Variants in ZYG11A observed in about 807,000 individuals in gnomAD.
ZYG11A encodes the protein protein zyg-11 homolog A.
ZYG11A carries 62 observed loss-of-function variants against 77.2 expected under a neutral mutation model. The observed-to-expected ratio is 0.80, with a 90% CI of 0.65 to 0.99. ZYG11A has a LOEUF of 0.99. Ranked by LOEUF, ZYG11A falls within the 50% of genes least tolerant of loss-of-function variation. The probability of loss-of-function intolerance (pLI) is 0.00; values close to 1 mark genes in which losing one functional copy is unlikely to be tolerated. For synonymous variants in ZYG11A, 315 were observed against 324.6 expected (o/e 0.97, Z 0.32); for missense variants, 828 against 896.8 (o/e 0.92, Z 0.98).
At chr1:52,867,378 G>A (rs182745390) in intron 6 of ZYG11A, among the ~76,000 whole-genome samples, 161 bp from the exon 7 acceptor site, 1 of 152,170 alleles carries the variant, frequency 6.6e-6, no homozygotes, top group East Asian at 1.9e-4. Flanking sequence ...TCCCCTGCCT[G>A]GTCTTCTCTC....
At chr1:52,878,599 G>A (rs1250959178) in intron 10 of ZYG11A, among the ~76,000 whole-genome samples, 4 of 152,052 alleles carry the variant, frequency 2.6e-5, no homozygotes, top group East Asian at 1.9e-4. Context: ...TGTTATCCAC[G>A]TTTCATAGAG....
Position 52,885,853 on chromosome 1 carries a change from G to C in ZYG11A, c.1965G>C (p.Trp655Cys). 6.5e-7 allele frequency: 1 copy of C among 1,548,606 alleles called. No individual in the cohort carries two copies. The highest frequency in any genetic ancestry group is 8.7e-7 in the Non-Finnish European group (1 of 1,145,748). Residue 655 changes from tryptophan to cysteine, a missense_variant, in exon 12 of 14, where the codon TGG (tryptophan) becomes TGC (cysteine). Trp to Cys is a radical substitution (Grantham distance 215, BLOSUM62 -2). Transcript: ENST00000371528. ...LQDLHATIQN[W>C]PSSSCKMTAL... ...AGTAGCATGCAACCATACAGAATTG[G>C]CCAAGTTCAAGTTGTAAGATGACAG...
chr1:52,864,399 C>T (rs949631249), intron 5 of ZYG11A, among the ~76,000 whole-genome samples: 1 of 152,068 alleles, frequency 6.6e-6, no homozygotes, highest in Admixed American at 6.6e-5. Context: ...GCGTGCACCA[C>T]GACGCCCAGC....
intron 1 of ZYG11A, among the ~76,000 whole-genome samples, chr1:52,852,443 A>G (rs1645731851): frequency 6.9e-6 from 1 of 143,974 alleles, no homozygotes; most frequent in East Asian, 2.1e-4. Context: ...GGCTCACTGC[A>G]CTCTCTGCCT....
At chr1:52,869,074 G>A (rs1646086009) in intron 8 of ZYG11A, among the ~76,000 whole-genome samples, 2 of 152,076 alleles carry the variant, frequency 1.3e-5, no homozygotes, top group South Asian at 4.1e-4. Context: ...TGATCCACCT[G>A]CCTTGGCCTC....
At chr1:52,848,472 A>G (rs1645643559) in intron 1 of ZYG11A, among the ~76,000 whole-genome samples, 1 of 151,992 alleles carries the variant, frequency 6.6e-6, no homozygotes, top group Admixed American at 6.6e-5. Flanking sequence ...GTGGGTTTAT[A>G]TCTTGCATCT....
At chr1:52,853,471 G>A (rs1255509394) in intron 1 of ZYG11A, among the ~76,000 whole-genome samples, 1 of 152,100 alleles carries the variant, frequency 6.6e-6, no homozygotes, top group East Asian at 1.9e-4. Flanking sequence ...TGCTTGGAGT[G>A]TCCCAAATGT....
At position 52,857,503 on chromosome 1, in the gene ZYG11A, AC is replaced by A. The variant is rs1396883452; in HGVS notation, c.763del (p.Lys256AsnfsTer18). On this transcript the variant is annotated frameshift_variant, in exon 3 of 14. Transcript: ENST00000371528. LOFTEE classifies it high-confidence loss of function. ...KSQILAVIRE[L>X]KCLLHLDISD... is the part of the protein sequence containing the mutation. ...CACAAATTCTTGCAGTCATTAGAGA[AC>A]TTAAATGTCTGCTTCACCTTGATAT... The A allele has an allele frequency of 6.4e-7, 1 of 1,552,096 alleles. No individual in the cohort carries two copies. The highest frequency in any genetic ancestry group is 8.7e-7 in the Non-Finnish European group (1 of 1,147,118).
At chr1:52,885,936 C>A in intron 12 of ZYG11A, 42 bp downstream of exon 12, 3 of 1,426,564 alleles carry the variant, frequency 2.1e-6, no homozygotes, top group Middle Eastern at 1.8e-4. Flanking sequence ...TTTTTTTCTT[C>A]TTTTTTTTAT....
chr1:52,880,053 C>T (rs551333461), intron 10 of ZYG11A, among the ~76,000 whole-genome samples: 45 of 148,488 alleles, frequency 3.0e-4, no homozygotes, highest in Admixed American at 5.5e-4. Flanking sequence ...CATGAGCTAC[C>T]GCACCCAGCC....
At chr1:52,876,626 C>G (rs1646266176) in intron 8 of ZYG11A, among the ~76,000 whole-genome samples, 1 of 152,176 alleles carries the variant, frequency 6.6e-6, no homozygotes, top group Non-Finnish European at 1.5e-5. Flanking sequence ...GGCTCACTTC[C>G]CCTGCTCCTG....
At chr1:52,871,355 G>A (rs981549451) in intron 8 of ZYG11A, among the ~76,000 whole-genome samples, 6 of 151,776 alleles carry the variant, frequency 4.0e-5, no homozygotes, top group Admixed American at 6.6e-5. Context: ...ATGTTGGGTC[G>A]TTCAAGTTTT....
intron 1 of ZYG11A, among the ~76,000 whole-genome samples, chr1:52,846,313 TATATATATATATATATATATATATATA>T (rs1645579280): frequency 5.9e-4 from 1 of 1,706 alleles, no homozygotes; most frequent in East Asian, 4.0e-3. Context: ...TAAATTTTTA[TATATATATATATATATATATATATATA>T]TATATATATA....
intron 10 of ZYG11A, among the ~76,000 whole-genome samples, chr1:52,878,612 T>A (rs1646303543): frequency 6.6e-6 from 1 of 152,094 alleles, no homozygotes. Flanking sequence ...TCATAGAGAA[T>A]CTGAGTCCCA....
chr1:52,863,257 C>A (rs772024806), intron 4 of ZYG11A, among the ~76,000 whole-genome samples: 8 of 152,204 alleles, frequency 5.3e-5, no homozygotes, highest in African/African-American at 9.6e-5. Flanking sequence ...ACAATGCCCT[C>A]ATTTTACATT....
Position 52,873,984 on chromosome 1 carries a change from C to CA in ZYG11A, c.1543-3687dup, listed in dbSNP as rs529381750. ...GGGCAACAAGAGTGAAACTCCGTCT[C>CA]AAAAAAAAAAATAAATAAATAAAAT... On this transcript the variant is annotated intron_variant, in intron 8 of 13. Coordinates refer to ENST00000371528, the MANE Select transcript of ZYG11A (RefSeq NM_001004339.3). 2.0e-3 allele frequency among the ~76,000 whole-genome samples: 288 copies of CA among 141,414 alleles called. 1 individual carries two copies. The highest frequency in any genetic ancestry group is 2.0e-3 in the African/African-American group (77 of 38,502). The allele number at this position is 141,414 out of a possible 152,430, so 92.8% of individuals were successfully genotyped here. A position where few individuals can be genotyped will look rare whatever the true frequency, so the allele number is the denominator to read the frequency against.
At chr1:52,848,949 A>G (rs1178807796) in intron 1 of ZYG11A, among the ~76,000 whole-genome samples, 1 of 152,230 alleles carries the variant, frequency 6.6e-6, no homozygotes, top group African/African-American at 2.4e-5. Context: ...GAATTAATTA[A>G]CTATATTTCA....
rs750704141 is a variant in ZYG11A, at chr1:52,860,768, C to T, written c.1046C>T (p.Ala349Val). 137 of 1,551,666 alleles carry T rather than the reference C, an allele frequency of 8.8e-5. No homozygotes were observed. The South Asian group carries it at 1.5e-3, about 17-fold the overall frequency. ...GCCAGTATGAGTCAGATTTCAGAAG[C>T]ACTGAGCCGATACAGGAACAGATCA... is the stretch of plus-strand genomic sequence containing the variant. The part of the protein sequence containing the change: ...GGASMSQISE[A>V]LSRYRNRSCF... The change falls in exon 4 of 14, where the codon GCA (alanine) becomes GTA (valine). Residue 349 changes from alanine to valine, a missense_variant. Coordinates refer to ENST00000371528, the MANE Select transcript of ZYG11A (RefSeq NM_001004339.3).
chr1:52,860,524 T>C (rs1645907439), intron 3 of ZYG11A, among the ~76,000 whole-genome samples: 1 of 152,188 alleles, frequency 6.6e-6, no homozygotes, highest in African/African-American at 2.4e-5. Context: ...TCTCTACTCC[T>C]GACCTCGGGT....
Sources: allele counts gnomAD v4.1 joint callset (sites outside exome capture counted in the v4.1 genomes callset), GRCh38; gene constraint gnomAD v4.1.1; transcripts MANE v1.5; gene names NCBI Gene and HGNC (gene_info 2026-07-23, HGNC 2026-07-21).